COL6A5: variants seen among roughly 807,000 people sequenced by gnomAD.
COL6A5 encodes the protein collagen alpha-5(VI) chain.
Under a neutral mutation model 65.6 loss-of-function variants are expected in COL6A5, and 48 were observed. The observed-to-expected ratio is 0.73, with a 90% CI of 0.58 to 0.93. The LOEUF (loss-of-function observed/expected upper bound fraction) is 0.93. COL6A5 is among the 40% of genes least tolerant of loss of function. The pLI is 0.00. For synonymous variants in COL6A5, 291 were observed against 322.8 expected (o/e 0.90, Z 1.05); for missense variants, 914 against 928.3 (o/e 0.98, Z 0.20).
At chr3:130,379,622 C>A (rs1374037573) in exon 4 of COL6A5, 1 of 1,551,316 alleles carries the variant, frequency 6.4e-7, no homozygotes, top group Non-Finnish European at 8.7e-7. Flanking sequence ...TTTCTTAAAT[C>A]AAGCACAACC....
At chr3:130,348,671 G>A (rs1934590681) in intron 1 of COL6A5, among the ~76,000 whole-genome samples, 1 of 152,080 alleles carries the variant, frequency 6.6e-6, no homozygotes, top group Non-Finnish European at 1.5e-5. Context: ...TGGTATTTCT[G>A]GTTCTAGATC....
chr3:130,409,947 C>A, intron 18 of COL6A5, 62 bp from the exon 19 acceptor site: 2 of 1,176,012 alleles, frequency 1.7e-6, no homozygotes, highest in Non-Finnish European at 2.5e-6. Context: ...GAACATCATA[C>A]CGTTTTGGGG....
At chr3:130,469,469 C>T in exon 6 of COL6A5, 5 of 1,611,188 alleles carry the variant, frequency 3.1e-6, no homozygotes, top group Non-Finnish European at 4.2e-6. Flanking sequence ...GCCATTTGTC[C>T]ATTTAATCAG....
At chr3:130,469,083 A>G (rs539693628) in exon 6 of COL6A5, 1 of 1,613,036 alleles carries the variant, frequency 6.2e-7, no homozygotes, top group African/African-American at 1.3e-5. Context: ...CTGGAATTTG[A>G]TTTGGTTACT....
At chr3:130,422,911 C>T in intron 28 of COL6A5, 129 bp downstream of exon 28, 1 of 529,304 alleles carries the variant, frequency 1.9e-6, no homozygotes, top group Non-Finnish European at 3.3e-6. Context: ...TAGCTGTGAC[C>T]TTCAACACAT....
intron 1 of COL6A5, 37 bp downstream of exon 33, chr3:130,431,986 A>G: frequency 5.8e-6 from 9 of 1,540,334 alleles, no homozygotes; most frequent in African/African-American, 1.4e-5. Context: ...TAATTTTAAG[A>G]TAGAGGTAGG....
intron 1 of COL6A5, among the ~76,000 whole-genome samples, chr3:130,358,645 A>T (rs78279408): frequency 0.01 from 1,524 of 152,226 alleles, 34 homozygotes; most frequent in African/African-American, 0.035. Flanking sequence ...GTAATGTGGA[A>T]TTTTTTCCCC....
In COL6A5 at chr3:130,426,173, G is replaced by A. The variant is rs1227621770; in HGVS notation, c.5164-41G>A. The A allele has an allele frequency of 3.9e-6, 6 of 1,545,428 alleles. No individual in the cohort carries two copies. In the South Asian group the frequency reaches 6.0e-5, roughly 15 times the overall value. On this transcript the variant is annotated intron_variant and NMD_transcript_variant, in intron 29 of 41. Coordinates refer to the COL6A5 transcript ENST00000312481. ...TTATTACTAAAGACTAAAGACTTCA[G>A]TTGGCATACCACTAACTTGCTCTGT...
At chr3:130,460,836 T>G (rs1325134030) in intron 5 of COL6A5, among the ~76,000 whole-genome samples, 2 of 151,038 alleles carry the variant, frequency 1.3e-5, no homozygotes, top group African/African-American at 4.9e-5. Flanking sequence ...ATGGTGATAG[T>G]GAGGAGGTGA....
chr3:130,381,756 A>G (rs1161420737), intron 4 of COL6A5, among the ~76,000 whole-genome samples: 2 of 152,116 alleles, frequency 1.3e-5, no homozygotes, highest in African/African-American at 2.4e-5. Flanking sequence ...TAATGTTCCA[A>G]TGATATTAAA....
intron 3 of COL6A5, among the ~76,000 whole-genome samples, chr3:130,377,400 C>T (rs371690308): frequency 1.7e-4 from 26 of 152,302 alleles, no homozygotes; most frequent in East Asian, 9.7e-4. Flanking sequence ...CATCTTGTTA[C>T]AGTATGAGAC....
At chr3:130,378,657 A>G (rs894062926) in intron 3 of COL6A5, among the ~76,000 whole-genome samples, 14 of 151,934 alleles carry the variant, frequency 9.2e-5, no homozygotes, top group Admixed American at 6.6e-5. Flanking sequence ...ACTACTCTGG[A>G]CTTCTTGCTT....
At position 130,384,678 on chromosome 3, in the gene COL6A5, G is replaced by C. The variant is rs945007635; in HGVS notation, c.1301-126G>C. On this transcript the variant is annotated intron_variant and NMD_transcript_variant, in intron 4 of 41. Coordinates refer to the COL6A5 transcript ENST00000312481. ...GGCATGACTGTGCTTAATGAAGTGT[G>C]CAGGCTCTACGCAAAAACGAAGTCT... 4.8e-5 allele frequency: 34 copies of C among 713,226 alleles called. No individual in the cohort carries two copies. In the African/African-American group the frequency reaches 5.0e-4, roughly 11 times the overall value. The allele number at this position is 713,226 out of a possible 1,614,324, so 44.2% of individuals were successfully genotyped here. A position where few individuals can be genotyped will look rare whatever the true frequency, so the allele number is the denominator to read the frequency against.
At chr3:130,393,283 C>T (rs750842297) in intron 7 of COL6A5, among the ~76,000 whole-genome samples, 7 of 152,182 alleles carry the variant, frequency 4.6e-5, no homozygotes, top group Middle Eastern at 3.4e-3. Flanking sequence ...ACACTCCAGC[C>T]CACCACTGTG....
intron 4 of COL6A5, among the ~76,000 whole-genome samples, chr3:130,380,764 T>G (rs1201083547): frequency 1.3e-5 from 2 of 152,112 alleles, no homozygotes; most frequent in African/African-American, 4.8e-5. Flanking sequence ...TTGGGTAACT[T>G]TTATTAGTTA....
chr3:130,402,902 C>T (rs921080389), intron 12 of COL6A5, among the ~76,000 whole-genome samples: 2 of 152,172 alleles, frequency 1.3e-5, no homozygotes, highest in Non-Finnish European at 2.9e-5. Flanking sequence ...AATACTTGCT[C>T]ATGAGTTCTG....
intron 4 of COL6A5, among the ~76,000 whole-genome samples, chr3:130,455,233 C>G (rs1709543136): frequency 6.6e-6 from 1 of 151,352 alleles, no homozygotes; most frequent in African/African-American, 2.4e-5. Context: ...AGGCTCTAGA[C>G]AGTTGTGAGA....
chr3:130,442,069 A>G (rs1414637599), intron 3 of COL6A5, among the ~76,000 whole-genome samples: 2 of 152,204 alleles, frequency 1.3e-5, no homozygotes, highest in Non-Finnish European at 2.9e-5. Context: ...ATTCAATTAA[A>G]GAATCCAATA....
chr3:130,397,326 G>T (rs1936636339), intron 8 of COL6A5, among the ~76,000 whole-genome samples: 1 of 151,850 alleles, frequency 6.6e-6, no homozygotes, highest in African/African-American at 2.4e-5. Context: ...TATTTTAAAG[G>T]GGACAGAGAA....
Sources: allele counts gnomAD v4.1 joint callset (sites outside exome capture counted in the v4.1 genomes callset), GRCh38; gene constraint gnomAD v4.1.1; transcripts MANE v1.5; gene names NCBI Gene and HGNC (gene_info 2026-07-23, HGNC 2026-07-21).